NCS1: variants seen among roughly 807,000 people sequenced by gnomAD.
The protein encoded by NCS1 is neuronal calcium sensor 1.
NCS1 carries 6 observed loss-of-function variants against 28.4 expected under a neutral mutation model. The ratio of observed to expected loss-of-function variants is 0.21; its 90% CI spans 0.12 to 0.42. NCS1 has a LOEUF of 0.42. Among genes scored for constraint, NCS1 ranks in the 10% least tolerant of loss-of-function variants. The probability of loss-of-function intolerance (pLI) is 1.00; values close to 1 mark genes in which losing one functional copy is unlikely to be tolerated. For missense variants in NCS1, 131 were observed against 241.4 expected (o/e 0.54, Z 3.03); for synonymous variants, 86 against 99.3 (o/e 0.87, Z 0.79).
At chr9:130,208,584 G>T (rs1833062768) in intron 2 of NCS1, among the ~76,000 whole-genome samples, 1 of 152,122 alleles carries the variant, frequency 6.6e-6, no homozygotes, top group Non-Finnish European at 1.5e-5. Context: ...TCTACAATGG[G>T]TTTTATTACT....
At position 130,219,416 on chromosome 9, in the gene NCS1, G is replaced by A. The variant is rs1833237625; in HGVS notation, c.229-309G>A. ...CCGGGCTGTTGCTGAGAGGAGCTCA[G>A]GCATTGGTGCTTCTGGCACCTTCTC... On this transcript the variant is annotated intron_variant, in intron 3 of 7. Transcript: ENST00000372398. This position sits in a 1 kb window ranked among gnomAD's most constrained non-coding sequence, Gnocchi z 5.7. 6.6e-6 allele frequency among the ~76,000 whole-genome samples: 1 copy of A among 152,286 alleles called. No individual in the cohort carries two copies. Among genetic ancestry groups the A allele is most frequent in the South Asian group, 2.1e-4 (1 of 4,814 alleles).
chr9:130,228,359 A>G (rs1200017006), intron 7 of NCS1, among the ~76,000 whole-genome samples: 1 of 150,822 alleles, frequency 6.6e-6, no homozygotes, highest in Non-Finnish European at 1.5e-5. Flanking sequence ...TAAAAAAAAA[A>G]GTGTTTTTTT....
Position 130,236,816 on chromosome 9 carries a change from C to T in NCS1, c.*3844C>T, listed in dbSNP as rs891694709. ...GCCTGACTCGGTGGCTGGCTTCCTTCAGGACTTTGCGCAAGTCAGTTCTGC... is the reference window on the plus strand; with the variant it reads ...GCCTGACTCGGTGGCTGGCTTCCTTTAGGACTTTGCGCAAGTCAGTTCTGC... On this transcript the variant is annotated 3_prime_UTR_variant, in exon 8 of 8. Coordinates refer to ENST00000372398, the MANE Select transcript of NCS1 (RefSeq NM_014286.4). 2 of 152,162 alleles carry T rather than the reference C, an allele frequency of 1.3e-5. No homozygotes were observed. Among genetic ancestry groups the T allele is most frequent in the Admixed American group, 6.5e-5 (1 of 15,272 alleles). 9.4% of individuals were successfully genotyped at this position (152,162 alleles called of 1,614,324 possible).
At position 130,180,187 on chromosome 9, in the gene NCS1, C is replaced by G. The variant is rs556039352; in HGVS notation, c.64+7460C>G. On this transcript the variant is annotated intron_variant, in intron 1 of 7. Transcript: ENST00000372398. The surrounding 1 kb of genome is among the most constrained non-coding windows in gnomAD (Gnocchi z 4.5). ...GTAGCTCGTATTAGAATGTGCACCA[C>G]CACACCTGGCTAATTTTTGTATTTT... Among the ~76,000 whole-genome samples, 32 of 152,296 alleles carry G rather than the reference C, an allele frequency of 2.1e-4. No homozygotes were observed. Among genetic ancestry groups the G allele is most frequent in the African/African-American group, 6.7e-4 (28 of 41,568 alleles).
chr9:130,225,506 C>T (rs145915323), intron 6 of NCS1, among the ~76,000 whole-genome samples: 12 of 152,374 alleles, frequency 7.9e-5, no homozygotes, highest in Non-Finnish European at 1.6e-4. Flanking sequence ...TCTGCACTTC[C>T]GTCATTTTGG....
At position 130,176,775 on chromosome 9, in the gene NCS1, A is replaced by T. The variant is rs971029193; in HGVS notation, c.64+4048A>T. Among the ~76,000 whole-genome samples, 7 of 152,220 alleles carry T rather than the reference A, an allele frequency of 4.6e-5. No individual in the cohort carries two copies. In the East Asian group the frequency reaches 1.3e-3, roughly 29 times the overall value. ...GCCAGGCATGGAGACAGAGGAGTGG[A>T]CCAGAGAGATGGAATCCCTGGCCTC... is the stretch of plus-strand genomic sequence containing the variant. On this transcript the variant is annotated intron_variant, in intron 1 of 7. Coordinates refer to ENST00000372398, the MANE Select transcript of NCS1 (RefSeq NM_014286.4).
chr9:130,189,909 T>TATATATATATATATATA (rs1564704684), intron 1 of NCS1, among the ~76,000 whole-genome samples: 3 of 125,750 alleles, frequency 2.4e-5, no homozygotes, highest in African/African-American at 9.7e-5. Flanking sequence ...TATATATATA[T>TATATATATATATATATA]TCCCAAGGTC....
rs567890888 is a variant in NCS1, at chr9:130,218,087, C to T, written c.228+117C>T. On this transcript the variant is annotated intron_variant, in intron 3 of 7. Coordinates refer to ENST00000372398, the MANE Select transcript of NCS1 (RefSeq NM_014286.4). ...CCCTTCTAGAGAAGGAACACACACA[C>T]GAGTGCATACTGACATGCACAGATA... is the stretch of plus-strand genomic sequence containing the variant. The T allele has an allele frequency of 4.1e-4, 527 of 1,297,762 alleles. 3 individuals are homozygous for T. In the South Asian group the frequency reaches 5.8e-3, roughly 14 times the overall value. The allele number at this position is 1,297,762 out of a possible 1,614,324, so 80.4% of individuals were successfully genotyped here. A position where few individuals can be genotyped will look rare whatever the true frequency, so the allele number is the denominator to read the frequency against.
chr9:130,199,354 A>G (rs1832913886), intron 1 of NCS1, among the ~76,000 whole-genome samples: 1 of 152,056 alleles, frequency 6.6e-6, no homozygotes, highest in Admixed American at 6.5e-5. Flanking sequence ...CGGCCTCCCA[A>G]AGTGCTGGGA....
At chr9:130,182,648 C>T (rs1339694685) in intron 1 of NCS1, among the ~76,000 whole-genome samples, 6 of 152,198 alleles carry the variant, frequency 3.9e-5, no homozygotes, top group Non-Finnish European at 7.4e-5. Flanking sequence ...CCTCCACCCA[C>T]CCCAGTGGAG....
intron 4 of NCS1, among the ~76,000 whole-genome samples, chr9:130,222,124 A>ATG (rs1554910656): frequency 2.1e-4 from 28 of 134,272 alleles, no homozygotes; most frequent in South Asian, 1.4e-3. Flanking sequence ...GTATATATAT[A>ATG]TGTGTATATA....
At chr9:130,182,749 T>G (rs1366236920) in intron 1 of NCS1, among the ~76,000 whole-genome samples, 1 of 152,248 alleles carries the variant, frequency 6.6e-6, no homozygotes, top group Non-Finnish European at 1.5e-5. Context: ...TACCGCCATC[T>G]TACGGTGCTG....
intron 1 of NCS1, among the ~76,000 whole-genome samples, chr9:130,193,276 G>A (rs573134712): frequency 1.3e-5 from 2 of 152,246 alleles, no homozygotes; most frequent in East Asian, 3.9e-4. Context: ...GGAGAGGCTG[G>A]AGACGCACTG....
chr9:130,174,070 C>G (rs1554904379), intron 1 of NCS1, among the ~76,000 whole-genome samples: 1 of 152,220 alleles, frequency 6.6e-6, no homozygotes, highest in East Asian at 1.9e-4. Context: ...TTCTCACCCT[C>G]TCTCCAAGGT....
chr9:130,172,760 C>A, intron 1 of NCS1, 33 bp downstream of exon 1: 2 of 1,357,174 alleles, frequency 1.5e-6, no homozygotes, highest in Non-Finnish European at 2.0e-6. Context: ...CCGCGCCCCG[C>A]GGTCACCCCC....
At chr9:130,214,437 C>T (rs1382147072) in intron 2 of NCS1, among the ~76,000 whole-genome samples, 1 of 152,238 alleles carries the variant, frequency 6.6e-6, no homozygotes, top group Non-Finnish European at 1.5e-5. Flanking sequence ...GGAAGTGAGG[C>T]TTCACAGCCA....
rs1486617405 is a variant in NCS1, at chr9:130,209,217, T to C, written c.89+8235T>C. Among the ~76,000 whole-genome samples, 5 of 152,236 alleles carry C rather than the reference T, an allele frequency of 3.3e-5. No individual in the cohort carries two copies. Among genetic ancestry groups the C allele is most frequent in the African/African-American group, 1.2e-4 (5 of 41,454 alleles). On this transcript the variant is annotated intron_variant, in intron 2 of 7. Transcript: ENST00000372398. The surrounding 1 kb of genome is among the most constrained non-coding windows in gnomAD (Gnocchi z 4.4). ...TATGATTTATCCGTCTAGCAATCTC[T>C]GTCCCACCTTTTGCACTGCAGAGAG... is the stretch of plus-strand genomic sequence containing the variant.
intron 6 of NCS1, among the ~76,000 whole-genome samples, chr9:130,224,859 G>A (rs1394221403): frequency 6.6e-6 from 1 of 152,190 alleles, no homozygotes; most frequent in African/African-American, 2.4e-5. Context: ...TTGAAATAAT[G>A]ACGTTAGGGA....
At chr9:130,211,742 G>T (rs959986924) in intron 2 of NCS1, among the ~76,000 whole-genome samples, 1 of 152,162 alleles carries the variant, frequency 6.6e-6, no homozygotes, top group African/African-American at 2.4e-5. Context: ...TGACTACTAT[G>T]TTTGCCAGGC....
Sources: gnomAD v4.1 joint callset for allele counts (sites outside exome capture counted in the v4.1 genomes callset) on GRCh38, gnomAD v4.1.1 for gene constraint, Gnocchi (gnomAD v3.1) non-coding constraint, MANE v1.5 for transcripts, NCBI Gene and HGNC (gene_info 2026-07-23, HGNC 2026-07-21) for gene names.